Variants in SEC31A observed in about 807,000 individuals in gnomAD.
SEC31A encodes SEC31 homolog A, COPII component.
Under a neutral mutation model 151.0 loss-of-function variants are expected in SEC31A, and 70 were observed. That is an observed-to-expected ratio of 0.46 (90% CI 0.38 to 0.57). The LOEUF is 0.57. Ranked by LOEUF, SEC31A falls within the 20% of genes least tolerant of loss-of-function variation. SEC31A has a pLI of 0.00. For missense variants in SEC31A, 1,330 were observed against 1,471.2 expected, an observed-to-expected ratio of 0.90 and a Z score of 1.57; for synonymous variants, 475 against 505.9, an observed-to-expected ratio of 0.94 and a Z score of 0.82.
chr4:82,861,065 T>C (rs1195740582), intron 14 of SEC31A, among the ~76,000 whole-genome samples: 2 of 135,350 alleles, frequency 1.5e-5, no homozygotes, highest in East Asian at 5.1e-4. Flanking sequence ...TGTTCATTAG[T>C]GGTTAAAAAA....
chr4:82,841,949 G>A (rs1321671144), intron 22 of SEC31A, among the ~76,000 whole-genome samples, 191 bp downstream of exon 22: 11 of 151,486 alleles, frequency 7.3e-5, no homozygotes, highest in Admixed American at 5.3e-4. Flanking sequence ...TACAGCCTGG[G>A]TGACAGAGAG....
At chr4:82,868,527 A>T (rs1442562969) in intron 8 of SEC31A, among the ~76,000 whole-genome samples, 1 of 149,562 alleles carries the variant, frequency 6.7e-6, no homozygotes, top group African/African-American at 2.5e-5. Flanking sequence ...ACTAAAAAAA[A>T]TAAATAAATA....
At chr4:82,827,784 G>A (rs1578122046) in intron 23 of SEC31A, 152 bp from the exon 24 acceptor site, 1 of 744,918 alleles carries the variant, frequency 1.3e-6, no homozygotes, top group African/African-American at 1.8e-5. Context: ...ATTTTATGCA[G>A]AATAAAGTAA....
rs566298494 is a variant in SEC31A, at chr4:82,872,149, C to T, written c.640-63G>A. 1.1e-4 allele frequency: 127 copies of T among 1,156,854 alleles called. 1 individual carries two copies. The highest frequency in any genetic ancestry group is 1.1e-3 in the South Asian group (86 of 79,328). The allele number at this position is 1,156,854 out of a possible 1,614,324, so 71.7% of individuals were successfully genotyped here. A position where few individuals can be genotyped will look rare whatever the true frequency, so the allele number is the denominator to read the frequency against. On this transcript the variant is annotated intron_variant, in intron 6 of 26. Transcript: ENST00000395310. Reference sequence around the variant, plus strand: ...TACTTTATGAAAAGCCAAACTACAACGAGAAATATACCTTTATTGAAACAA... The same window carrying T: ...TACTTTATGAAAAGCCAAACTACAATGAGAAATATACCTTTATTGAAACAA...
chr4:82,835,003 G>T (rs1425857269), intron 22 of SEC31A, among the ~76,000 whole-genome samples: 1 of 152,100 alleles, frequency 6.6e-6, no homozygotes, highest in East Asian at 1.9e-4. Context: ...TCGCCACCAT[G>T]CCTGGCTAAG....
intron 22 of SEC31A, among the ~76,000 whole-genome samples, chr4:82,836,091 T>C (rs374766020): frequency 2.8e-4 from 43 of 152,096 alleles, no homozygotes; most frequent in African/African-American, 9.6e-4. Context: ...CACTAAAAAA[T>C]TGGCCGGGCG....
At chr4:82,844,659 C>T (rs1729671504) in intron 20 of SEC31A, 150 bp from the exon 21 acceptor site, 3 of 743,090 alleles carry the variant, frequency 4.0e-6, no homozygotes, top group Non-Finnish European at 6.5e-6. Context: ...ATTCTATCTT[C>T]CTCATAATAC....
intron 8 of SEC31A, among the ~76,000 whole-genome samples, chr4:82,869,026 T>C (rs986624484): frequency 6.6e-6 from 1 of 152,196 alleles, no homozygotes; most frequent in Non-Finnish European, 1.5e-5. Flanking sequence ...GCTCACGTCT[T>C]TGGTATTTAT....
chr4:82,889,279 G>A (rs1578417807), intron 1 of SEC31A, among the ~76,000 whole-genome samples: 2 of 152,146 alleles, frequency 1.3e-5, no homozygotes, highest in Admixed American at 1.3e-4. Context: ...CCTTACAGGA[G>A]TTTTTAACTT....
In SEC31A at chr4:82,844,410, C is replaced by T. The variant is rs1227923068; in HGVS notation, c.2602G>A (p.Val868Ile). 1.9e-6 allele frequency: 3 copies of T among 1,613,944 alleles called. No individual in the cohort carries two copies. Among genetic ancestry groups the T allele is most frequent in the Non-Finnish European group, 2.5e-6 (3 of 1,179,986 alleles). ...CGCTGTGGCTGTGGATAAGGTGGTACCTGGGTGTGCATATGACCTGGAGAT... is the reference window on the plus strand; with the variant it reads ...CGCTGTGGCTGTGGATAAGGTGGTATCTGGGTGTGCATATGACCTGGAGAT... The part of the protein sequence containing the change: ...PTSPGHMHTQ[V>I]PPYPQPQPYQ... Residue 868 changes from valine to isoleucine, a missense_variant, in exon 21 of 27, where the codon GTA (valine) becomes ATA (isoleucine). Physicochemically the swap from Val to Ile is conservative, Grantham distance 29 (BLOSUM62 3). Transcript: ENST00000395310.
rs74713760 is a variant in SEC31A at position 82,819,329 on chromosome 4, C to T, written c.3484-76G>A. The T allele has an allele frequency of 4.2e-3, 4,414 of 1,051,148 alleles. 18 individuals carry two copies. Among genetic ancestry groups the T allele is most frequent in the Non-Finnish European group, 4.7e-3 (3,583 of 765,484 alleles). The allele number at this position is 1,051,148 out of a possible 1,614,324, so 65.1% of individuals were successfully genotyped here. On this transcript the variant is annotated intron_variant, in intron 26 of 26. Coordinates refer to ENST00000395310, the MANE Select transcript of SEC31A (RefSeq NM_001077207.4). ...CATGAGATCCTCCATAAACATTAAA[C>T]CCAGATATTTAAGTGGAATTTGAAA...
chr4:82,849,113 G>A (rs1465530238), intron 19 of SEC31A, 136 bp from the exon 20 acceptor site: 2 of 748,846 alleles, frequency 2.7e-6, no homozygotes, highest in African/African-American at 1.8e-5. Context: ...AATAGACCCT[G>A]ACACACAGAT....
chr4:82,882,073 A>C, intron 1 of SEC31A, 133 bp from the exon 2 acceptor site: 2 of 718,218 alleles, frequency 2.8e-6, no homozygotes, highest in Non-Finnish European at 4.9e-6. Flanking sequence ...AATAAATCAA[A>C]TCGGTTTAGG....
chr4:82,890,767 G>A, intron 1 of SEC31A: 8 of 1,237,364 alleles, frequency 6.5e-6, no homozygotes, highest in Non-Finnish European at 8.1e-6. Flanking sequence ...GTGCACAAGG[G>A]TCTGAAAGTC....
chr4:82,829,641 G>C (rs567128149), intron 22 of SEC31A, among the ~76,000 whole-genome samples: 6 of 151,968 alleles, frequency 3.9e-5, no homozygotes, highest in Non-Finnish European at 5.9e-5. Flanking sequence ...AGTAAAAAAG[G>C]GTATTCAAAT....
At chr4:82,855,122 C>T (rs1195683302) in intron 16 of SEC31A, 93 bp from the exon 17 acceptor site, 1 of 1,027,402 alleles carries the variant, frequency 9.7e-7, no homozygotes, top group Non-Finnish European at 1.4e-6. Flanking sequence ...TATTTCATGC[C>T]AAATGCAGCA....
At position 82,829,035 on chromosome 4, in the gene SEC31A, G is replaced by C. The variant is rs1255529512; in HGVS notation, c.2992C>G (p.Pro998Ala). The change falls in exon 23 of 27, where the codon CCT (proline) becomes GCT (alanine). Residue 998 changes from proline to alanine, a missense_variant. Transcript: ENST00000395310. ...RTGPQNGWND[P>A]PALNRVPKKK... ...TTGGGTACTCTGTTCAAAGCTGGAG[G>C]GTCATTCCAACCATTCTGAGGACCT... 1.2e-6 allele frequency: 2 copies of C among 1,613,530 alleles called. No homozygotes were observed. Among genetic ancestry groups the C allele is most frequent in the Admixed American group, 1.7e-5 (1 of 60,012 alleles).
At chr4:82,866,363 C>G (rs1475907956) in intron 10 of SEC31A, among the ~76,000 whole-genome samples, 1 of 151,994 alleles carries the variant, frequency 6.6e-6, no homozygotes, top group Non-Finnish European at 1.5e-5. Context: ...CCCAGCTACC[C>G]AGGAGGCTGA....
intron 1 of SEC31A, among the ~76,000 whole-genome samples, chr4:82,882,890 G>A (rs770531451): frequency 6.6e-6 from 1 of 152,230 alleles, no homozygotes; most frequent in East Asian, 1.9e-4. Flanking sequence ...GGACGAGGCA[G>A]TTGGATCACT....
Sources: gnomAD v4.1 joint callset for allele counts (sites outside exome capture counted in the v4.1 genomes callset) on GRCh38, gnomAD v4.1.1 for gene constraint, MANE v1.5 for transcripts, NCBI Gene and HGNC (gene_info 2026-07-23, HGNC 2026-07-21) for gene names.